The following EPM2A variants were observed in gnomAD, a reference collection of about 807,000 sequenced individuals.
EPM2A encodes EPM2A glucan phosphatase, laforin, also known as laforin.
A neutral mutation model predicts 26.5 loss-of-function variants in EPM2A; 21 were observed. The ratio of observed to expected loss-of-function variants is 0.79; its 90% CI spans 0.56 to 1.14. The LOEUF (loss-of-function observed/expected upper bound fraction) is 1.14. Ranked by LOEUF, EPM2A falls within the 50% of genes most tolerant of loss-of-function variation. EPM2A has a pLI of 0.00. For missense variants in EPM2A, 458 were observed against 440.8 expected, an observed-to-expected ratio of 1.04 and a Z score of -0.35; for synonymous variants, 217 against 177.6, an observed-to-expected ratio of 1.22 and a Z score of -1.76.
chr6:145,663,032 G>A (rs1214883770), intron 2 of EPM2A, among the ~76,000 whole-genome samples: 1 of 152,064 alleles, frequency 6.6e-6, no homozygotes, highest in African/African-American at 2.4e-5. Context: ...ACACATTTAA[G>A]TTTCCATAAA....
At chr6:145,492,429 C>T (rs1445130072) in intron 4 of EPM2A, among the ~76,000 whole-genome samples, 1 of 152,148 alleles carries the variant, frequency 6.6e-6, no homozygotes, top group African/African-American at 2.4e-5. Flanking sequence ...CTTTGCCATC[C>T]ACAGATAGCT....
At position 145,632,226 on chromosome 6, in the gene EPM2A, G is replaced by A. The variant is rs557082020; in HGVS notation, c.718+3019C>T. On this transcript the variant is annotated intron_variant, in intron 3 of 3. Coordinates refer to ENST00000367519, the MANE Select transcript of EPM2A (RefSeq NM_005670.4). Reference sequence around the variant, plus strand: ...TTAGCCCAGTTGTCTTGGCTCCAAGGTCAGCATTTCCGTGCAATGGGAGAG... The same window carrying A: ...TTAGCCCAGTTGTCTTGGCTCCAAGATCAGCATTTCCGTGCAATGGGAGAG... 3 of 152,322 alleles carry A rather than the reference G, an allele frequency of 2.0e-5. No homozygotes were observed. The South Asian group carries it at 6.2e-4, about 32-fold the overall frequency. The allele number at this position is 152,322 out of a possible 1,614,324, so 9.4% of individuals were successfully genotyped here. A position where few individuals can be genotyped will look rare whatever the true frequency, so the allele number is the denominator to read the frequency against.
intron 2 of EPM2A, among the ~76,000 whole-genome samples, chr6:145,615,658 G>C (rs1775495232): frequency 6.6e-6 from 1 of 151,994 alleles, no homozygotes. Flanking sequence ...GAATGGCTTT[G>C]ACCAAAATGC....
At chr6:145,567,552 C>T (rs1286800301) in intron 2 of EPM2A, among the ~76,000 whole-genome samples, 2 of 152,196 alleles carry the variant, frequency 1.3e-5, no homozygotes, top group Non-Finnish European at 2.9e-5. Context: ...AGTGTACCAA[C>T]ACATGTGCTC....
intron 2 of EPM2A, among the ~76,000 whole-genome samples, chr6:145,539,010 A>G (rs924989898): frequency 2.6e-5 from 4 of 152,242 alleles, no homozygotes; most frequent in Non-Finnish European, 4.4e-5. Flanking sequence ...GGCCAGGCAC[A>G]GTTTTGTACA....
At chr6:145,710,302 T>C (rs1009600374) in intron 1 of EPM2A, among the ~76,000 whole-genome samples, 1 of 152,066 alleles carries the variant, frequency 6.6e-6, no homozygotes, top group Non-Finnish European at 1.5e-5. Flanking sequence ...TCAAAACAAG[T>C]AGGCGAAGGA....
downstream of EPM2A, among the ~76,000 whole-genome samples, chr6:145,625,064 C>G (rs979372534): frequency 6.6e-6 from 1 of 152,180 alleles, no homozygotes; most frequent in East Asian, 1.9e-4. Context: ...GGCATAATAT[C>G]TGCTTTGATT....
At chr6:145,454,811 T>C (rs1309689397) in intron 4 of EPM2A, among the ~76,000 whole-genome samples, 2 of 152,206 alleles carry the variant, frequency 1.3e-5, no homozygotes, top group African/African-American at 4.8e-5. Context: ...TCATGAAAAT[T>C]GATCCCATGC....
intron 4 of EPM2A, among the ~76,000 whole-genome samples, chr6:145,418,586 C>T (rs1469807755): frequency 6.6e-6 from 1 of 152,034 alleles, no homozygotes; most frequent in Non-Finnish European, 1.5e-5. Context: ...CTGGGGCCAC[C>T]CGCTACCAGT....
At chr6:145,385,702 T>A (rs902463735) in intron 4 of EPM2A, among the ~76,000 whole-genome samples, 8 of 152,160 alleles carry the variant, frequency 5.3e-5, no homozygotes, top group African/African-American at 1.7e-4. Context: ...TTAAAAAACC[T>A]TCATCGTATT....
chr6:145,635,496 A>C lies in EPM2A; in HGVS notation c.477-10T>G. 6.2e-7 allele frequency: 1 copy of C among 1,613,818 alleles called. No individual in the cohort carries two copies. The highest frequency in any genetic ancestry group is 8.5e-7 in the Non-Finnish European group (1 of 1,179,648). On this transcript the variant is annotated splice_polypyrimidine_tract_variant and intron_variant, in intron 2 of 3. Coordinates refer to ENST00000367519, the MANE Select transcript of EPM2A (RefSeq NM_005670.4). ...GATATTTGGTAGAATTCTAATGAGA[A>C]CATATGGAGACAACTATCACTAGTG... is the stretch of plus-strand genomic sequence containing the variant.
At chr6:145,682,154 AAGG>A (rs1370007866) in intron 2 of EPM2A, among the ~76,000 whole-genome samples, 2 of 152,172 alleles carry the variant, frequency 1.3e-5, no homozygotes, top group African/African-American at 4.8e-5. Flanking sequence ...GGTTGAAGGC[AAGG>A]AAGAGCAAGT....
intron 4 of EPM2A, among the ~76,000 whole-genome samples, chr6:145,431,347 T>C (rs1250660032): frequency 2.0e-5 from 3 of 152,190 alleles, no homozygotes; most frequent in Non-Finnish European, 2.9e-5. Flanking sequence ...CAAAGCCTGG[T>C]ACATCAGAAA....
At chr6:145,419,123 C>G (rs1370382330) in intron 4 of EPM2A, among the ~76,000 whole-genome samples, 3 of 151,340 alleles carry the variant, frequency 2.0e-5, no homozygotes, top group African/African-American at 7.3e-5. Flanking sequence ...ATCCAAATCT[C>G]TTGGGTGGCT....
At chr6:145,392,114 A>G (rs1778344736) in intron 4 of EPM2A, among the ~76,000 whole-genome samples, 1 of 152,184 alleles carries the variant, frequency 6.6e-6, no homozygotes, top group Non-Finnish European at 1.5e-5. Flanking sequence ...ACTAAAGCTA[A>G]CCAGGAGGAT....
At chr6:145,676,817 C>T (rs1290274118) in intron 2 of EPM2A, among the ~76,000 whole-genome samples, 1 of 152,076 alleles carries the variant, frequency 6.6e-6, no homozygotes, top group Admixed American at 6.6e-5. Context: ...TATCCAGGAC[C>T]AGATGGATTC....
chr6:145,591,694 G>C (rs1229618837), intron 2 of EPM2A, among the ~76,000 whole-genome samples: 1 of 151,946 alleles, frequency 6.6e-6, no homozygotes, highest in East Asian at 1.9e-4. Context: ...GTTAAAAGAA[G>C]CTCTTCAGAA....
rs937312278 is a variant in EPM2A, at chr6:145,697,610, C to T, written c.302-11314G>A. 9.2e-5 allele frequency among the ~76,000 whole-genome samples: 14 copies of T among 152,114 alleles called. No individual in the cohort carries two copies. In the East Asian group the frequency reaches 1.2e-3, roughly 13 times the overall value. The stretch of plus-strand genomic sequence containing the variant: ...TCGACCATAAAAGATGGCCGCCCCC[C>T]GAAGCGGCCATTTTAGAGGCCTACC... On this transcript the variant is annotated intron_variant, in intron 1 of 3. Coordinates refer to ENST00000367519, the MANE Select transcript of EPM2A (RefSeq NM_005670.4).
At chr6:145,424,212 T>C (rs1778824204) in intron 4 of EPM2A, among the ~76,000 whole-genome samples, 1 of 152,106 alleles carries the variant, frequency 6.6e-6, no homozygotes, top group Non-Finnish European at 1.5e-5. Flanking sequence ...TGCAGGACAA[T>C]AAACTTTCTC....
Sources: gnomAD v4.1 joint callset for allele counts (sites outside exome capture counted in the v4.1 genomes callset) on GRCh38, gnomAD v4.1.1 for gene constraint, MANE v1.5 for transcripts, NCBI Gene and HGNC (gene_info 2026-07-23, HGNC 2026-07-21) for gene names.